Variants in SYDE2 observed in about 807,000 individuals in gnomAD.
The protein encoded by SYDE2 is rho GTPase-activating protein SYDE2.
In SYDE2, 76 loss-of-function variants were observed where a neutral mutation model predicts 91.5. The ratio of observed to expected loss-of-function variants is 0.83; its 90% CI spans 0.69 to 1.01. The LOEUF (loss-of-function observed/expected upper bound fraction) is 1.01. Among genes scored for constraint, SYDE2 ranks in the 50% least tolerant of loss-of-function variants. SYDE2 has a pLI of 0.00. For missense variants in SYDE2, 1,364 were observed against 1,367.7 expected (o/e 1.00, Z 0.04); for synonymous variants, 513 against 506.4 (o/e 1.01, Z -0.18).
At chr1:85,159,373 T>C in intron 6 of SYDE2, 124 bp from the exon 7 acceptor site, 1 of 651,468 alleles carries the variant, frequency 1.5e-6, no homozygotes, top group East Asian at 2.7e-5. Flanking sequence ...AAACATGCAC[T>C]CTGTCAAAAG....
intron 4 of SYDE2, 46 bp from the exon 5 acceptor site, chr1:85,169,271 G>A (rs762933381): frequency 7.5e-6 from 11 of 1,458,686 alleles, no homozygotes; most frequent in African/African-American, 4.3e-5. Context: ...ACTGCAGAGT[G>A]AAATAAAGAA....
In SYDE2 at chr1:85,163,442, AATCTATATATATAT is replaced by A. The variant is rs1247981963; in HGVS notation, c.3085+1070_3085+1083del. Among the ~76,000 whole-genome samples the A allele has an allele frequency of 4.3e-3, 219 of 50,764 alleles. 2 individuals carry two copies. Among genetic ancestry groups the A allele is most frequent in the African/African-American group, 0.011 (213 of 19,332 alleles). The allele number at this position is 50,764 out of a possible 152,430, so 33.3% of individuals were successfully genotyped here. On this transcript the variant is annotated intron_variant, in intron 6 of 6. Coordinates refer to ENST00000341460, the MANE Select transcript of SYDE2 (RefSeq NM_032184.2). The stretch of plus-strand genomic sequence containing the variant: ...GAAATCAAGCATTCTCTTGTACTTT[AATCTATATATATAT>A]ATATATATATATATATATATATATA...
In SYDE2 at chr1:85,196,792, A is replaced by G. The variant is rs181044881; in HGVS notation, c.745+3460T>C. Among the ~76,000 whole-genome samples the G allele has an allele frequency of 9.2e-4, 140 of 152,342 alleles. 1 individual carries two copies. The highest frequency in any genetic ancestry group is 1.7e-3 in the Non-Finnish European group (116 of 68,016). On this transcript the variant is annotated intron_variant, in intron 1 of 6. Transcript: ENST00000341460. ...ATTATGCAATTCATAAAGATAAAAA[A>G]TCAGAGTTACAAATACTTGAGAAAA... is the stretch of plus-strand genomic sequence containing the variant.
chr1:85,200,759 G>T lies in SYDE2; in HGVS notation c.238C>A (p.Arg80=). ...TCGAGGCTTCTGCTGCAGGACGGCC[G>T]CATCCGAGGAGTCCGCAGCTGGCCT... ...RGGQLRTPRM[R]PSCSRSLESL... is the part of the protein sequence containing the mutation. The change falls in exon 1 of 7, where the codon CGG becomes AGG. Residue 80 remains arginine (R), a synonymous_variant. Transcript: ENST00000341460. 1 of 1,526,090 alleles carries T rather than the reference G, an allele frequency of 6.6e-7. No individual in the cohort carries two copies. The highest frequency in any genetic ancestry group is 8.8e-7 in the Non-Finnish European group (1 of 1,141,574). The allele number at this position is 1,526,090 out of a possible 1,614,324, so 94.5% of individuals were successfully genotyped here.
chr1:85,183,077 G>T lies in SYDE2; in HGVS notation c.1565C>A (p.Ser522Tyr). The change falls in exon 3 of 7, where the codon TCT becomes TAT. Residue 522 changes from serine to tyrosine, a missense_variant. Ser to Tyr is a moderately radical substitution (Grantham distance 144). Transcript: ENST00000341460. ...INWSLPDKIK[S>Y]PRTVRKLSMK... ...GGAAAGTTTCCTCACAGTTCGTGGA[G>T]ATTTTATTTTATCTGGCAATGACCA... 10 of 1,613,472 alleles carry T rather than the reference G, an allele frequency of 6.2e-6. No individual in the cohort carries two copies. Among genetic ancestry groups the T allele is most frequent in the Non-Finnish European group, 8.5e-6 (10 of 1,179,750 alleles).
At chr1:85,175,525 AC>A (rs772138936) in intron 4 of SYDE2, among the ~76,000 whole-genome samples, 4 of 152,142 alleles carry the variant, frequency 2.6e-5, no homozygotes, top group Non-Finnish European at 5.9e-5. Flanking sequence ...TGGATTTTAT[AC>A]CTAAAATTTT....
At chr1:85,197,736 G>C (rs1287829073) in intron 1 of SYDE2, among the ~76,000 whole-genome samples, 2 of 152,032 alleles carry the variant, frequency 1.3e-5, no homozygotes, top group Non-Finnish European at 2.9e-5. Flanking sequence ...CTCACTGCAA[G>C]CTCCGCCTCC....
In SYDE2 at chr1:85,195,065, C is replaced by T. The variant is rs564346364; in HGVS notation, c.746-4313G>A. On this transcript the variant is annotated intron_variant, in intron 1 of 6. Transcript: ENST00000341460. ...GTCCCAGCTACTCGGGAGGCTGAGGCAGGAGAATGGCGTGAACCCGCGAGG... is the reference window on the plus strand; with the variant it reads ...GTCCCAGCTACTCGGGAGGCTGAGGTAGGAGAATGGCGTGAACCCGCGAGG... Among the ~76,000 whole-genome samples the T allele has an allele frequency of 1.1e-4, 16 of 151,868 alleles. No homozygotes were observed. The South Asian group carries it at 3.3e-3, about 32-fold the overall frequency.
At chr1:85,186,850 C>A (rs1432331765) in intron 2 of SYDE2, among the ~76,000 whole-genome samples, 2 of 152,122 alleles carry the variant, frequency 1.3e-5, no homozygotes, top group Non-Finnish European at 2.9e-5. Flanking sequence ...CTTATACCTT[C>A]TACAAAAATT....
chr1:85,182,484 T>C lies in SYDE2; in HGVS notation c.2158A>G (p.Thr720Ala), dbSNP rs1235191199. Reference sequence around the variant, plus strand: ...ATGTCTAAAAATGTTGTTCGGCATGTGAGCAAAGCTGTTCTTGCTTTGTTT... The same window carrying C: ...ATGTCTAAAAATGTTGTTCGGCATGCGAGCAAAGCTGTTCTTGCTTTGTTT... ...SVNKARTALL[T>A]CRTTFLDMDH... Residue 720 changes from threonine (T) to alanine (A), a missense_variant, in exon 3 of 7, where the codon ACA (threonine) becomes GCA (alanine). Thr to Ala is a moderately conservative substitution (Grantham distance 58, BLOSUM62 0). Coordinates refer to ENST00000341460, the MANE Select transcript of SYDE2 (RefSeq NM_032184.2). 1.2e-6 allele frequency: 2 copies of C among 1,613,718 alleles called. No homozygotes were observed. Among genetic ancestry groups the C allele is most frequent in the Non-Finnish European group, 8.5e-7 (1 of 1,179,802 alleles).
chr1:85,171,071 C>A (rs1004980099), intron 4 of SYDE2, among the ~76,000 whole-genome samples: 1 of 151,908 alleles, frequency 6.6e-6, no homozygotes, highest in Non-Finnish European at 1.5e-5. Context: ...AAATAGAGAA[C>A]GCAGGAGGAA....
Position 85,184,398 on chromosome 1 carries a change from A to G in SYDE2, c.1442-1198T>C, listed in dbSNP as rs569240421. Among the ~76,000 whole-genome samples, 8 of 152,322 alleles carry G rather than the reference A, an allele frequency of 5.3e-5. No individual in the cohort carries two copies. In the East Asian group the frequency reaches 1.5e-3, roughly 29 times the overall value. ...AAAACATTATGAAGATCACTGCAAT[A>G]GCACTGGAAACAATCTATCAACACC... On this transcript the variant is annotated intron_variant, in intron 2 of 6. Coordinates refer to ENST00000341460, the MANE Select transcript of SYDE2 (RefSeq NM_032184.2).
rs745573910 is a variant in SYDE2, at chr1:85,182,266, C to T, written c.2376G>A (p.Val792=). Residue 792 remains valine, a synonymous_variant, in exon 3 of 7, where the codon GTG becomes GTA. Transcript: ENST00000341460. ...AATTCTCCCACTGTTCCATAAGAGT[C>T]ACTTTCACATAAATAAGACCTCTAG... The part of the protein sequence containing the change: ...LEPRGLIYVK[V]TLMEQWENSL... 13 of 1,612,816 alleles carry T rather than the reference C, an allele frequency of 8.1e-6. No homozygotes were observed. The South Asian group carries it at 1.2e-4, about 15-fold the overall frequency.
intron 2 of SYDE2, among the ~76,000 whole-genome samples, chr1:85,184,588 A>G (rs1187636809): frequency 6.6e-6 from 1 of 151,908 alleles, no homozygotes; most frequent in Non-Finnish European, 1.5e-5. Flanking sequence ...TTACAACTAG[A>G]TAAAAGATAC....
intron 1 of SYDE2, chr1:85,200,030 A>T: frequency 1.9e-6 from 1 of 527,432 alleles, no homozygotes; most frequent in Non-Finnish European, 2.4e-6. Flanking sequence ...TCAATTCTTC[A>T]TGCCATTGTC....
intron 1 of SYDE2, among the ~76,000 whole-genome samples, chr1:85,197,641 T>A (rs911329001): frequency 1.3e-5 from 2 of 152,186 alleles, no homozygotes; most frequent in African/African-American, 2.4e-5. Context: ...AATGCTTTTT[T>A]AAATTTTATT....
intron 3 of SYDE2, among the ~76,000 whole-genome samples, chr1:85,180,955 A>T (rs1237533883): frequency 1.3e-5 from 2 of 152,162 alleles, no homozygotes; most frequent in Non-Finnish European, 2.9e-5. Context: ...ATCTTAAGAA[A>T]GAAAAATAAT....
intron 6 of SYDE2, among the ~76,000 whole-genome samples, chr1:85,163,480 T>TATATATATATATATATATATAA (rs1216698478): frequency 3.7e-5 from 5 of 134,650 alleles, no homozygotes; most frequent in African/African-American, 1.5e-4. Flanking sequence ...TATATATATA[T>TATATATATATATATATATATAA]AACAAAAGAG....
At chr1:85,178,055 A>C in intron 4 of SYDE2, 91 bp downstream of exon 4, 1 of 1,105,188 alleles carries the variant, frequency 9.0e-7, no homozygotes, top group South Asian at 1.6e-5. Flanking sequence ...ATAAAAACAA[A>C]TTAAATTTCA....
Sources: allele counts gnomAD v4.1 joint callset (sites outside exome capture counted in the v4.1 genomes callset), GRCh38; gene constraint gnomAD v4.1.1; transcripts MANE v1.5; gene names NCBI Gene and HGNC (gene_info 2026-07-23, HGNC 2026-07-21).